RBM4: variants seen among roughly 807,000 people sequenced by gnomAD.
RBM4 encodes RNA-binding protein 4.
In RBM4, 7 loss-of-function variants were observed where a neutral mutation model predicts 29.5. The observed-to-expected ratio is 0.24, with a 90% CI of 0.14 to 0.45. The LOEUF (loss-of-function observed/expected upper bound fraction) is 0.45, where lower values mean the gene tolerates loss of function less well. RBM4 is among the 20% of genes least tolerant of loss of function. The pLI is 1.00. For missense variants in RBM4, 387 were observed against 502.3 expected (o/e 0.77, Z 2.19); for synonymous variants, 220 against 205.4 (o/e 1.07, Z -0.61).
chr11:66,640,571 C>T (rs1938404632), intron 2 of RBM4: 1 of 264,854 alleles, frequency 3.8e-6, no homozygotes, highest in African/African-American at 2.2e-5. Flanking sequence ...CCTTGTTAAG[C>T]TGTCCTACCT....
intron 2 of RBM4, among the ~76,000 whole-genome samples, chr11:66,655,151 A>G (rs1938921467): frequency 6.6e-6 from 1 of 151,718 alleles, no homozygotes; most frequent in African/African-American, 2.4e-5. Flanking sequence ...ACGCCTGGCT[A>G]ATTTTTGTAT....
intron 2 of RBM4, chr11:66,640,612 T>C (rs1163865931): frequency 5.3e-6 from 1 of 188,908 alleles, no homozygotes; most frequent in Non-Finnish European, 1.1e-5. Flanking sequence ...TTACAGCTCT[T>C]GTTGCTTTTA....
At chr11:66,645,904 G>T (rs1428158634) in intron 3 of RBM4, 123 bp from the exon 4 acceptor site, 21 of 1,489,812 alleles carry the variant, frequency 1.4e-5, no homozygotes, top group Non-Finnish European at 1.6e-5. Context: ...TACTGGGGGA[G>T]AAGGGTACAA....
At chr11:66,662,698 G>A (rs1271330061) in intron 2 of RBM4, among the ~76,000 whole-genome samples, 1 of 152,142 alleles carries the variant, frequency 6.6e-6, no homozygotes, top group Non-Finnish European at 1.5e-5. Flanking sequence ...TCACGCACCT[G>A]GTATATGTTA....
intron 2 of RBM4, among the ~76,000 whole-genome samples, chr11:66,662,436 C>T (rs1939101300): frequency 6.6e-6 from 1 of 152,132 alleles, no homozygotes; most frequent in South Asian, 2.1e-4. Flanking sequence ...GAGTCTCACT[C>T]TGTTGCCCAG....
At chr11:66,665,923 C>A in exon 3 of RBM4, 1 of 1,535,440 alleles carries the variant, frequency 6.5e-7, no homozygotes, top group South Asian at 1.2e-5. Context: ...TTTTCAAGAA[C>A]TGCAATTTAA....
exon 3 of RBM4, chr11:66,665,871 T>A: frequency 6.5e-7 from 1 of 1,533,482 alleles, no homozygotes; most frequent in South Asian, 1.2e-5. Context: ...ATAACCCCTG[T>A]GACAGAAGGC....
Position 66,643,341 on chromosome 11 carries a change from C to T in RBM4, c.413-109C>T. ...TTTTATCTTTTCCTAAAGATGAGTC[C>T]TGCATTAGAATTGTCTAGATAAAGC... is the stretch of plus-strand genomic sequence containing the variant. On this transcript the variant is annotated intron_variant, in intron 2 of 3. Coordinates refer to ENST00000310092, the MANE Select transcript of RBM4 (RefSeq NM_002896.4). The surrounding 1 kb of genome is among the most constrained non-coding windows in gnomAD (Gnocchi z 6.1). 1.5e-6 allele frequency: 2 copies of T among 1,359,264 alleles called. No homozygotes were observed. The highest frequency in any genetic ancestry group is 1.6e-5 in the South Asian group (1 of 62,920). The allele number at this position is 1,359,264 out of a possible 1,614,324, so 84.2% of individuals were successfully genotyped here.
intron 2 of RBM4, among the ~76,000 whole-genome samples, chr11:66,641,605 T>G (rs1247699940): frequency 6.6e-6 from 1 of 152,212 alleles, no homozygotes; most frequent in African/African-American, 2.4e-5. Flanking sequence ...CAGTTAGGTT[T>G]AAGGAGAGGA....
downstream of RBM4, among the ~76,000 whole-genome samples, chr11:66,648,177 G>T (rs1330486462): frequency 6.6e-6 from 1 of 152,094 alleles, no homozygotes; most frequent in African/African-American, 2.4e-5. Flanking sequence ...CTGCACTCCA[G>T]CCTGGGCAAT....
chr11:66,651,997 CTG>C (rs1330511317), intron 2 of RBM4, among the ~76,000 whole-genome samples: 1 of 152,068 alleles, frequency 6.6e-6, no homozygotes, highest in Non-Finnish European at 1.5e-5. Context: ...CAAGATTCAA[CTG>C]TGTGTGATAT....
chr11:66,652,761 TAC>T (rs751804311), intron 2 of RBM4, among the ~76,000 whole-genome samples: 6 of 152,144 alleles, frequency 3.9e-5, no homozygotes, highest in Non-Finnish European at 7.4e-5. Context: ...TCTCAGCTAC[TAC>T]AGAGGCTGAG....
chr11:66,667,650 G>GA (rs1565091885), exon 3 of RBM4: 1 of 151,166 alleles, frequency 6.6e-6, no homozygotes, highest in Non-Finnish European at 1.5e-5. Context: ...ATGTAGGTAT[G>GA]ATATTAGAAG....
At chr11:66,659,263 CTTTTTTTTTT>C (rs767959263) in intron 2 of RBM4, among the ~76,000 whole-genome samples, 5 of 67,308 alleles carry the variant, frequency 7.4e-5, no homozygotes, top group East Asian at 4.8e-4. Flanking sequence ...CTTCTTGGTT[CTTTTTTTTTT>C]TTTTTTTTTT....
At chr11:66,645,941 T>C (rs1192515402) in intron 3 of RBM4, 86 bp from the exon 4 acceptor site, 6 of 1,534,270 alleles carry the variant, frequency 3.9e-6, no homozygotes, top group East Asian at 2.4e-5. Flanking sequence ...TGTCAAGTTA[T>C]CAGACTTTGT....
chr11:66,644,128 T>C lies in RBM4; in HGVS notation c.1091T>C (p.Phe364Ser), dbSNP rs1938587850. 1 of 1,611,718 alleles carries C rather than the reference T, an allele frequency of 6.2e-7. No individual in the cohort carries two copies. Among genetic ancestry groups the C allele is most frequent in the Non-Finnish European group, 8.5e-7 (1 of 1,178,608 alleles). The change falls in exon 3 of 4, where the codon TTT becomes TCT. Residue 364 changes from phenylalanine to serine, a missense_variant. Around this residue, in one of 2 missense-constraint regions of RBM4, gnomAD observed 281 missense variants for 288.7 expected, o/e 0.97. Coordinates refer to ENST00000310092, the MANE Select transcript of RBM4 (RefSeq NM_002896.4). Reference sequence around the variant, plus strand: ...GCCGATCGGGCGCGGTACTCAGCCTTTTAAAGCTTGAGGTGAGAGGGGTGG... The same window carrying C: ...GCCGATCGGGCGCGGTACTCAGCCTCTTAAAGCTTGAGGTGAGAGGGGTGG... ...QYADRARYSA[F>S]
At chr11:66,653,819 C>CTTTTTTTTTTTTTCT (rs58736660) in intron 2 of RBM4, among the ~76,000 whole-genome samples, 1 of 135,300 alleles carries the variant, frequency 7.4e-6, no homozygotes, top group Non-Finnish European at 1.6e-5. Flanking sequence ...TTTTTTTTTT[C>CTTTTTTTTTTTTTCT]TTTTTTTTTT....
At chr11:66,651,785 T>C (rs1590869954) in intron 2 of RBM4, among the ~76,000 whole-genome samples, 1 of 152,216 alleles carries the variant, frequency 6.6e-6, no homozygotes, top group South Asian at 2.1e-4. Flanking sequence ...GCAGACGTGG[T>C]GTCTGGATTC....
At chr11:66,639,576 G>GA (rs1938349993) in intron 1 of RBM4, 124 bp from the exon 2 acceptor site, 1 of 1,173,766 alleles carries the variant, frequency 8.5e-7, no homozygotes, top group Non-Finnish European at 1.2e-6. Flanking sequence ...TTATTGTGTG[G>GA]AGGTGTGTGT....
Sources: gnomAD v4.1 joint callset for allele counts (sites outside exome capture counted in the v4.1 genomes callset) on GRCh38, gnomAD v4.1.1 for gene constraint, gnomAD v4.1.1 regional missense constraint, Gnocchi (gnomAD v3.1) non-coding constraint, MANE v1.5 for transcripts, NCBI Gene and HGNC (gene_info 2026-07-23, HGNC 2026-07-21) for gene names.